The following RTL4 variants were observed in gnomAD, a reference collection of about 807,000 sequenced individuals.
The protein encoded by RTL4 is retrotransposon Gag-like protein 4.
RTL4 carries 4 observed loss-of-function variants against 5.3 expected under a neutral mutation model. That is an observed-to-expected ratio of 0.75 (90% CI 0.37 to 1.72). RTL4 has a LOEUF of 1.72. Among genes scored for constraint, RTL4 ranks in the 40% most tolerant of loss-of-function variants. RTL4 has a pLI of 0.04. For missense variants in RTL4, 260 were observed against 227.1 expected (o/e 1.14, Z -0.93); for synonymous variants, 98 against 87.3 (o/e 1.12, Z -0.68).
At chrX:112,322,496 C>T in the RTL4 span, among the ~76,000 whole-genome samples, 7 of 111,073 alleles carry the variant, frequency 6.3e-5, no homozygotes, top group Admixed American at 1.9e-4. Flanking sequence ...AGCACATTCA[C>T]GTACACTGTC....
the RTL4 span, among the ~76,000 whole-genome samples, chrX:112,364,379 G>A: frequency 3.6e-5 from 4 of 111,620 alleles, no homozygotes; most frequent in East Asian, 8.6e-4. Flanking sequence ...TATTTCTCCT[G>A]ATAAAGGCAT....
chrX:112,325,374 G>A, the RTL4 span, among the ~76,000 whole-genome samples: 2 of 111,744 alleles, frequency 1.8e-5, no homozygotes, highest in Non-Finnish European at 3.8e-5. Context: ...CAAAGCTGGA[G>A]GCATCACACT....
At chrX:112,376,383 A>G in the RTL4 span, among the ~76,000 whole-genome samples, 1 of 111,749 alleles carries the variant, frequency 8.9e-6, no homozygotes, top group African/African-American at 3.3e-5. Context: ...CAAGTAATAA[A>G]TGGAGTTCTA....
the RTL4 span, among the ~76,000 whole-genome samples, chrX:112,218,156 A>G: frequency 6.2e-5 from 7 of 112,105 alleles, no homozygotes; most frequent in African/African-American, 2.3e-4. Flanking sequence ...GCTTGTCAAG[A>G]GTTCAGGATA....
At chrX:112,302,580 AT>A in the RTL4 span, among the ~76,000 whole-genome samples, 1 of 112,536 alleles carries the variant, frequency 8.9e-6, no homozygotes, top group Non-Finnish European at 1.9e-5. Context: ...AATTGTACTC[AT>A]TAAGTAATTT....
At chrX:112,320,364 T>C in the RTL4 span, 1 of 110,482 alleles carries the variant, frequency 9.1e-6, no homozygotes, top group Non-Finnish European at 1.9e-5. Flanking sequence ...GGTTTTGGTA[T>C]GGGTTCTTAT....
chrX:112,190,139 C>CCTTTCTTT, the RTL4 span, among the ~76,000 whole-genome samples: 1,966 of 77,119 alleles, frequency 0.025, 46 homozygotes, highest in East Asian at 0.042. Context: ...GTAGCCTGTC[C>CCTTTCTTT]CTTTCTTTCT....
the RTL4 span, among the ~76,000 whole-genome samples, chrX:112,267,423 T>C: frequency 8.9e-6 from 1 of 112,089 alleles, no homozygotes; most frequent in African/African-American, 3.2e-5. Flanking sequence ...TCTCTGGTTC[T>C]TCTCCTATCT....
chrX:112,334,648 T>C, the RTL4 span, among the ~76,000 whole-genome samples: 1 of 112,275 alleles, frequency 8.9e-6, no homozygotes, highest in Non-Finnish European at 1.9e-5. Context: ...TGCTAATTTC[T>C]GCTTCTTAAT....
chrX:112,438,879 C>T, the RTL4 span, among the ~76,000 whole-genome samples: 2 of 112,214 alleles, frequency 1.8e-5, no homozygotes, highest in Non-Finnish European at 3.8e-5. Flanking sequence ...TTTTATGCCA[C>T]TCATCCTTAA....
the RTL4 span, among the ~76,000 whole-genome samples, chrX:112,130,494 G>A: frequency 9.1e-6 from 1 of 109,978 alleles, no homozygotes; most frequent in African/African-American, 3.3e-5. Context: ...GGTAGGTTGT[G>A]AATGCATGCA....
the RTL4 span, among the ~76,000 whole-genome samples, chrX:112,303,987 G>T: frequency 9.1e-6 from 1 of 110,308 alleles, no homozygotes; most frequent in African/African-American, 3.3e-5. Context: ...CTACTGTCTC[G>T]AAGTGTTGCG....
the RTL4 span, among the ~76,000 whole-genome samples, chrX:112,215,922 C>T: frequency 9.0e-6 from 1 of 111,586 alleles, no homozygotes; most frequent in Non-Finnish European, 1.9e-5. Context: ...ATCAGCAATG[C>T]ACAGGGGTTC....
the RTL4 span, among the ~76,000 whole-genome samples, chrX:112,292,757 T>A: frequency 8.9e-6 from 1 of 111,733 alleles, no homozygotes; most frequent in East Asian, 2.8e-4. Flanking sequence ...CCCCTCAATG[T>A]GTAGAATACA....
the RTL4 span, among the ~76,000 whole-genome samples, chrX:112,310,382 A>T: frequency 4.1e-5 from 1 of 24,453 alleles, no homozygotes; most frequent in South Asian, 3.0e-3. Context: ...ATATATATAT[A>T]TATATATATA....
At chrX:112,383,776 A>G in the RTL4 span, among the ~76,000 whole-genome samples, 1 of 111,591 alleles carries the variant, frequency 9.0e-6, no homozygotes, top group Non-Finnish European at 1.9e-5. Flanking sequence ...CTCACTTACA[A>G]GTAGGAGTTA....
the RTL4 span, among the ~76,000 whole-genome samples, chrX:112,190,468 G>A: frequency 1.8e-5 from 2 of 110,831 alleles, no homozygotes; most frequent in Non-Finnish European, 3.8e-5. Flanking sequence ...AAAGGACAAT[G>A]TCTAATTCTC....
At chrX:112,398,439 GC>G in the RTL4 span, among the ~76,000 whole-genome samples, 1 of 80,420 alleles carries the variant, frequency 1.2e-5, no homozygotes, top group East Asian at 3.8e-4. Flanking sequence ...TCCCTCTGTC[GC>G]CCAGGCTGGA....
chrX:112,193,621 A>T, the RTL4 span, among the ~76,000 whole-genome samples: 1 of 111,430 alleles, frequency 9.0e-6, no homozygotes, highest in East Asian at 2.8e-4. Flanking sequence ...AAATTTTGGA[A>T]GTTTTTGACC....
Sources: allele counts gnomAD v4.1 joint callset (sites outside exome capture counted in the v4.1 genomes callset), GRCh38; gene constraint gnomAD v4.1.1; transcripts MANE v1.5; gene names NCBI Gene and HGNC (gene_info 2026-07-23, HGNC 2026-07-21).